MAP2K1: variants seen among roughly 807,000 people sequenced by gnomAD.
MAP2K1 encodes the protein dual specificity mitogen-activated protein kinase kinase 1.
A neutral mutation model predicts 46.3 loss-of-function variants in MAP2K1; 16 were observed. The observed-to-expected ratio is 0.35, with a 90% confidence interval of 0.23 to 0.52. The LOEUF is 0.52. Among genes scored for constraint, MAP2K1 ranks in the 20% least tolerant of loss-of-function variants. MAP2K1 has a pLI of 0.94. For synonymous variants in MAP2K1, 183 were observed against 185.6 expected, an observed-to-expected ratio of 0.99 and a Z score of 0.11; for missense variants, 263 against 497.1, an observed-to-expected ratio of 0.53 and a Z score of 4.48.
chr15:66,408,316 A>C (rs2093402833), intron 1 of MAP2K1, among the ~76,000 whole-genome samples: 1 of 152,194 alleles, frequency 6.6e-6, no homozygotes, highest in African/African-American at 2.4e-5. Flanking sequence ...AACACCGGGC[A>C]TACTTGCAAT....
chr15:66,440,060 C>T (rs190750144), intron 3 of MAP2K1, among the ~76,000 whole-genome samples: 351 of 151,884 alleles, frequency 2.3e-3, no homozygotes, highest in African/African-American at 8.0e-3. Flanking sequence ...TCCATTTCTC[C>T]GATCAATTTT....
intron 5 of MAP2K1, among the ~76,000 whole-genome samples, chr15:66,467,850 C>T (rs767306794): frequency 2.4e-4 from 36 of 152,306 alleles, no homozygotes; most frequent in Admixed American, 8.5e-4. Context: ...CATGCGCCAC[C>T]GCGCCCGGTG....
intron 1 of MAP2K1, among the ~76,000 whole-genome samples, chr15:66,421,232 T>A (rs1031386052): frequency 4.0e-5 from 6 of 151,154 alleles, no homozygotes; most frequent in African/African-American, 1.5e-4. Context: ...ACCTCCCGGG[T>A]TCAAGCGATC....
At chr15:66,482,280 T>C (rs1892931931) in intron 6 of MAP2K1, among the ~76,000 whole-genome samples, 1 of 152,154 alleles carries the variant, frequency 6.6e-6, no homozygotes, top group African/African-American at 2.4e-5. Flanking sequence ...GACAGCATCA[T>C]CTCCCTGGTT....
rs1271363673 is a variant in MAP2K1 at position 66,436,860 on chromosome 15, G to A, written c.406G>A (p.Asp136Asn). ...GGGCTTCTATGGTGCGTTCTACAGC[G>A]ATGGCGAGATCAGTATCTGCATGGA... is the stretch of plus-strand genomic sequence containing the variant. Reference protein sequence around the residue: ...IVGFYGAFYSDGEISICMEHM... With the variant: ...IVGFYGAFYSNGEISICMEHM... The change falls in exon 3 of 11, where the codon GAT (aspartate) becomes AAT (asparagine). Residue 136 changes from aspartate to asparagine, a missense_variant. Asp to Asn is a conservative substitution (Grantham distance 23, BLOSUM62 1). Around this residue, in one of 4 missense-constraint regions of MAP2K1, gnomAD observed 103 missense variants for 221.6 expected, o/e 0.46. Transcript: ENST00000307102. 1 of 1,614,030 alleles carries A rather than the reference G, an allele frequency of 6.2e-7. No homozygotes were observed. The highest frequency in any genetic ancestry group is 8.5e-7 in the Non-Finnish European group (1 of 1,180,032).
rs914843540 is a variant in MAP2K1 at position 66,444,273 on chromosome 15, C to T, written c.517-383C>T. Among the ~76,000 whole-genome samples, 3 of 149,198 alleles carry T rather than the reference C, an allele frequency of 2.0e-5. No homozygotes were observed. In the East Asian group the frequency reaches 6.0e-4, roughly 30 times the overall value. On this transcript the variant is annotated intron_variant, in intron 4 of 10. Transcript: ENST00000307102. ...AAAAGCCCAGGCACGGTGGCTTACA[C>T]CTGTAATCCCAGCACTTTGGGAGGC...
rs200442489 is a variant in MAP2K1 at position 66,490,610 on chromosome 15, G to A, written c.1177G>A (p.Val393Ile). The A allele has an allele frequency of 3.3e-5, 53 of 1,613,682 alleles. 1 individual carries two copies. Among genetic ancestry groups the A allele is most frequent in the South Asian group, 1.9e-4 (17 of 91,078 alleles). The change falls in exon 11 of 11, where the codon GTC becomes ATC. Residue 393 changes from valine to isoleucine, a missense_variant. Coordinates refer to ENST00000307102, the MANE Select transcript of MAP2K1 (RefSeq NM_002755.4). ...CAGCACACCAACCCATGCTGCTGGCGTCTAAGTGTTTGGGAAGCAACAAAG... is the reference window on the plus strand; with the variant it reads ...CAGCACACCAACCCATGCTGCTGGCATCTAAGTGTTTGGGAAGCAACAAAG... The part of the protein sequence containing the change: ...QPSTPTHAAG[V>I]
chr15:66,401,248 C>A (rs1163820337), intron 1 of MAP2K1, among the ~76,000 whole-genome samples: 1 of 152,142 alleles, frequency 6.6e-6, no homozygotes, highest in South Asian at 2.1e-4. Flanking sequence ...ATGAATTCAT[C>A]TACCAAATCA....
intron 1 of MAP2K1, among the ~76,000 whole-genome samples, chr15:66,416,140 T>C (rs1595848584): frequency 6.6e-6 from 1 of 152,136 alleles, no homozygotes; most frequent in Non-Finnish European, 1.5e-5. Flanking sequence ...GGGGATTACA[T>C]TTTCTGACCT....
At chr15:66,467,421 C>G (rs1444993724) in intron 5 of MAP2K1, among the ~76,000 whole-genome samples, 2 of 152,172 alleles carry the variant, frequency 1.3e-5, no homozygotes, top group Non-Finnish European at 2.9e-5. Context: ...CGATAACAGC[C>G]TTTTCCCCAA....
At chr15:66,485,479 T>C (rs1341786279) in intron 7 of MAP2K1, among the ~76,000 whole-genome samples, 1 of 152,232 alleles carries the variant, frequency 6.6e-6, no homozygotes, top group East Asian at 1.9e-4. Flanking sequence ...AGGGTCTTGC[T>C]ATGTCGCCCA....
At chr15:66,402,235 A>G (rs142564850) in intron 1 of MAP2K1, among the ~76,000 whole-genome samples, 5 of 152,326 alleles carry the variant, frequency 3.3e-5, no homozygotes, top group Admixed American at 6.5e-5. Context: ...ACTAGCAGGA[A>G]TATGTGGCTT....
intron 1 of MAP2K1, among the ~76,000 whole-genome samples, chr15:66,416,053 A>G (rs1004102608): frequency 6.6e-6 from 1 of 152,188 alleles, no homozygotes; most frequent in African/African-American, 2.4e-5. Context: ...TTCATGGTCT[A>G]GCTCAGTTTA....
chr15:66,471,508 C>G (rs2140650474), intron 5 of MAP2K1, among the ~76,000 whole-genome samples: 1 of 152,312 alleles, frequency 6.6e-6, no homozygotes, highest in South Asian at 2.1e-4. Flanking sequence ...ATCTGCCTAA[C>G]TTCAGATCAA....
chr15:66,428,151 A>G (rs1219320139), intron 1 of MAP2K1, among the ~76,000 whole-genome samples: 1 of 152,124 alleles, frequency 6.6e-6, no homozygotes, highest in African/African-American at 2.4e-5. Context: ...GAATTCTCAG[A>G]AACCGAACAC....
At chr15:66,477,530 G>C (rs916643130) in intron 5 of MAP2K1, among the ~76,000 whole-genome samples, 1 of 152,190 alleles carries the variant, frequency 6.6e-6, no homozygotes, top group Non-Finnish European at 1.5e-5. Context: ...TATGAGAGCC[G>C]CCATTGTGAC....
chr15:66,454,062 G>T (rs1422741009), intron 5 of MAP2K1, among the ~76,000 whole-genome samples: 1 of 152,146 alleles, frequency 6.6e-6, no homozygotes, highest in African/African-American at 2.4e-5. Context: ...CTTTTTCTGT[G>T]GGTTGGCAGG....
intron 1 of MAP2K1, among the ~76,000 whole-genome samples, chr15:66,409,363 A>T (rs1024738815): frequency 3.3e-5 from 5 of 152,132 alleles, no homozygotes; most frequent in Admixed American, 2.0e-4. Flanking sequence ...TCTTAGCCTT[A>T]TGCCTGGCAC....
chr15:66,395,906 C>T (rs1435694366), intron 1 of MAP2K1, among the ~76,000 whole-genome samples: 1 of 152,072 alleles, frequency 6.6e-6, no homozygotes. Context: ...TGCCACTACA[C>T]TTTAACTTCT....
Sources: allele counts gnomAD v4.1 joint callset (sites outside exome capture counted in the v4.1 genomes callset), GRCh38; gene constraint gnomAD v4.1.1; regional missense constraint gnomAD v4.1.1; transcripts MANE v1.5; gene names NCBI Gene and HGNC (gene_info 2026-07-23, HGNC 2026-07-21).